The following POLR2J variants were observed in gnomAD, a reference collection of about 807,000 sequenced individuals.
POLR2J encodes DNA-directed RNA polymerase II subunit RPB11-a.
In POLR2J, 12 loss-of-function variants were observed where a neutral mutation model predicts 13.4. That is an observed-to-expected ratio of 0.90 (90% confidence interval 0.57 to 1.45). POLR2J has a LOEUF of 1.45. Ranked by LOEUF, POLR2J falls within the 40% of genes most tolerant of loss-of-function variation. POLR2J has a pLI of 0.00. For synonymous variants in POLR2J, 31 were observed against 53.6 expected (o/e 0.58, Z 1.84); for missense variants, 58 against 132.0 (o/e 0.44, Z 2.75).
chr7:102,476,771 C>G (rs1401916565), intron 1 of POLR2J, among the ~76,000 whole-genome samples: 1 of 113,044 alleles, frequency 8.8e-6, no homozygotes, highest in Non-Finnish European at 1.9e-5. Flanking sequence ...GAACCTTGGC[C>G]TTTTCTGAAT....
chr7:102,473,695 AGAAGGTGGTGGAGACTGAGCTGG>A lies in POLR2J; in HGVS notation c.319-34_319-12del. The A allele has an allele frequency of 4.3e-6, 7 of 1,613,798 alleles. No homozygotes were observed. Among genetic ancestry groups the A allele is most frequent in the Non-Finnish European group, 5.9e-6 (7 of 1,179,850 alleles). ...GTCTTTTATGGCCACCTGGGAGAGA[AGAAGGTGGTGGAGACTGAGCTGG>A]AACAGCTGGGGCAAGGACGCTGGAA... On this transcript the variant is annotated splice_polypyrimidine_tract_variant and intron_variant, in intron 3 of 3. Coordinates refer to ENST00000292614, the MANE Select transcript of POLR2J (RefSeq NM_006234.6).
In POLR2J at chr7:102,474,399, G is replaced by A. The variant is rs765104120; in HGVS notation, c.280C>T (p.Leu94Phe). 1 of 1,611,336 alleles carries A rather than the reference G, an allele frequency of 6.2e-7. No individual in the cohort carries two copies. The highest frequency in any genetic ancestry group is 2.2e-5 in the East Asian group (1 of 44,844). Residue 94 changes from leucine to phenylalanine, a missense_variant, in exon 3 of 4, where the codon CTC (leucine) becomes TTC (phenylalanine). Around this residue, in one of 4 missense-constraint regions of POLR2J, gnomAD observed 17 missense variants for 43.6 expected, o/e 0.39. Coordinates refer to ENST00000292614, the MANE Select transcript of POLR2J (RefSeq NM_006234.6). ...TCCAGCAGGGACAGCTCACTGATGA[G>A]GTCGGTGATGGCGTTGGTAAAGGCT... ...QEAFTNAITD[L>F]ISELSLLEER...
chr7:102,478,879 T>A lies in POLR2J; in HGVS notation c.-19A>T, dbSNP rs1329363201. ...CGTTCATGCTCCCGCCGCCGTTGCG[T>A]CCAGACCCCAAGGGTCCGCCGCCGC... On this transcript the variant is annotated 5_prime_UTR_variant, in exon 1 of 4. Coordinates refer to ENST00000292614, the MANE Select transcript of POLR2J (RefSeq NM_006234.6). 6.2e-7 allele frequency: 1 copy of A among 1,610,484 alleles called. No individual in the cohort carries two copies. The highest frequency in any genetic ancestry group is 8.5e-7 in the Non-Finnish European group (1 of 1,179,634).
rs1169701251 is a variant in POLR2J at position 102,478,865 on chromosome 7, CCG to C, written c.-7_-6del. The C allele has an allele frequency of 6.2e-7, 1 of 1,610,530 alleles. No individual in the cohort carries two copies. Among genetic ancestry groups the C allele is most frequent in the Non-Finnish European group, 8.5e-7 (1 of 1,179,710 alleles). Reference sequence around the variant, plus strand: ...GAAGGCTGGAGGGGCGTTCATGCTCCCGCCGCCGTTGCGTCCAGACCCCAAGG... The same window carrying C: ...GAAGGCTGGAGGGGCGTTCATGCTCCCCGCCGTTGCGTCCAGACCCCAAGG... On this transcript the variant is annotated 5_prime_UTR_variant, in exon 1 of 4. Coordinates refer to ENST00000292614, the MANE Select transcript of POLR2J (RefSeq NM_006234.6).
intron 3 of POLR2J, 57 bp from the exon 4 acceptor site, chr7:102,473,741 G>GA: frequency 6.2e-7 from 1 of 1,610,356 alleles, no homozygotes; most frequent in Non-Finnish European, 8.5e-7. Flanking sequence ...AAGGACGCTG[G>GA]AAACACATGC....
Position 102,473,542 on chromosome 7 carries a change from C to CG in POLR2J, c.*106dup. The stretch of plus-strand genomic sequence containing the variant: ...GTCAGGGTGAGGGGTGGCCACAAGG[C>CG]GGGCCATGGCTGGGACCGGCCGCTC... On this transcript the variant is annotated 3_prime_UTR_variant, in exon 4 of 4. Transcript: ENST00000292614. 8.9e-7 allele frequency: 1 copy of CG among 1,120,728 alleles called. No homozygotes were observed. Among genetic ancestry groups the CG allele is most frequent in the Non-Finnish European group, 1.1e-6 (1 of 882,646 alleles). The allele number at this position is 1,120,728 out of a possible 1,614,324, so 69.4% of individuals were successfully genotyped here.
intron 2 of POLR2J, among the ~76,000 whole-genome samples, chr7:102,475,269 G>A (rs1214385095): frequency 3.9e-5 from 6 of 152,228 alleles, no homozygotes; most frequent in Non-Finnish European, 7.3e-5. Context: ...TTCGCTGGTG[G>A]CACCAGAGGG....
Position 102,473,549 on chromosome 7 carries a change from T to A in POLR2J, c.*100A>T. On this transcript the variant is annotated 3_prime_UTR_variant, in exon 4 of 4. Transcript: ENST00000292614. ...TGAGGGGTGGCCACAAGGCGGGCCA[T>A]GGCTGGGACCGGCCGCTCTCCTCGG... 2 of 1,204,606 alleles carry A rather than the reference T, an allele frequency of 1.7e-6. No homozygotes were observed. Among genetic ancestry groups the A allele is most frequent in the Non-Finnish European group, 2.1e-6 (2 of 947,618 alleles). 74.6% of individuals were successfully genotyped at this position (1,204,606 alleles called of 1,614,324 possible).
Position 102,478,795 on chromosome 7 carries a change from C to G in POLR2J, c.53+13G>C. ...CCCGCGCACCTCGGCCCGCCGCAGCCGGCGTCACTTACTTCTTCTCGCCCT... is the reference window on the plus strand; with the variant it reads ...CCCGCGCACCTCGGCCCGCCGCAGCGGGCGTCACTTACTTCTTCTCGCCCT... On this transcript the variant is annotated intron_variant, in intron 1 of 3. Coordinates refer to ENST00000292614, the MANE Select transcript of POLR2J (RefSeq NM_006234.6). The G allele has an allele frequency of 1.2e-6, 2 of 1,608,918 alleles. No individual in the cohort carries two copies. The highest frequency in any genetic ancestry group is 1.1e-5 in the South Asian group (1 of 90,970).
At position 102,476,978 on chromosome 7, in the gene POLR2J, C is replaced by A. The variant is rs527394264; in HGVS notation, c.54-708G>T. 6.5e-3 allele frequency among the ~76,000 whole-genome samples: 637 copies of A among 97,798 alleles called. 3 individuals carry two copies. The highest frequency in any genetic ancestry group is 0.02 in the African/African-American group (594 of 30,202). The allele number at this position is 97,798 out of a possible 152,430, so 64.2% of individuals were successfully genotyped here. A position where few individuals can be genotyped will look rare whatever the true frequency, so the allele number is the denominator to read the frequency against. On this transcript the variant is annotated intron_variant, in intron 1 of 3. Transcript: ENST00000292614. Reference sequence around the variant, plus strand: ...TCCTGAGTAGCTGGGACCACAGGCGCACGTCATCATGCCTGGCCTGTTCCT... The same window carrying A: ...TCCTGAGTAGCTGGGACCACAGGCGAACGTCATCATGCCTGGCCTGTTCCT...
intron 3 of POLR2J, 100 bp from the exon 4 acceptor site, chr7:102,473,784 G>A: frequency 6.4e-7 from 1 of 1,551,730 alleles, no homozygotes; most frequent in South Asian, 1.2e-5. Context: ...CTTCCTGGAG[G>A]GCAGCCATGG....
Position 102,478,908 on chromosome 7 carries a change from C to A in POLR2J, c.-48G>T. 1 of 1,608,380 alleles carries A rather than the reference C, an allele frequency of 6.2e-7. No homozygotes were observed. The highest frequency in any genetic ancestry group is 8.5e-7 in the Non-Finnish European group (1 of 1,179,136). ...GACCCCAAGGGTCCGCCGCCGCCGC[C>A]ACCAGAGCCCTAATAAGAGGCCTCT... On this transcript the variant is annotated 5_prime_UTR_variant, in exon 1 of 4. Coordinates refer to ENST00000292614, the MANE Select transcript of POLR2J (RefSeq NM_006234.6).
intron 2 of POLR2J, among the ~76,000 whole-genome samples, chr7:102,475,584 C>T (rs900861668): frequency 2.0e-5 from 3 of 152,230 alleles, no homozygotes; most frequent in African/African-American, 7.2e-5. Flanking sequence ...CACAGGCCTA[C>T]TGTGCTGGAA....
chr7:102,473,271 C>CTCATGGGTTTGCACACTT lies in POLR2J; in HGVS notation c.*360_*377dup. On this transcript the variant is annotated 3_prime_UTR_variant, in exon 4 of 4. Transcript: ENST00000292614. ...CTTCTAGAGCAGAGACTCTTGGGAG[C>CTCATGGGTTTGCACACTT]TCATGGGTTTGCACACTTCTCTCCG... 1 of 624,510 alleles carries CTCATGGGTTTGCACACTT rather than the reference C, an allele frequency of 1.6e-6. No individual in the cohort carries two copies. The highest frequency in any genetic ancestry group is 3.1e-5 in the Admixed American group (1 of 32,718). The allele number at this position is 624,510 out of a possible 1,614,324, so 38.7% of individuals were successfully genotyped here. A position where few individuals can be genotyped will look rare whatever the true frequency, so the allele number is the denominator to read the frequency against.
intron 2 of POLR2J, 114 bp from the exon 3 acceptor site, chr7:102,474,649 C>T: frequency 8.1e-7 from 1 of 1,229,170 alleles, no homozygotes; most frequent in Non-Finnish European, 1.1e-6. Context: ...AACTTTTTTC[C>T]CAAAAAGTCT....
In POLR2J at chr7:102,473,548, A is replaced by T; in HGVS notation, c.*101T>A. ...GTGAGGGGTGGCCACAAGGCGGGCC[A>T]TGGCTGGGACCGGCCGCTCTCCTCG... On this transcript the variant is annotated 3_prime_UTR_variant, in exon 4 of 4. Coordinates refer to ENST00000292614, the MANE Select transcript of POLR2J (RefSeq NM_006234.6). 8.3e-7 allele frequency: 1 copy of T among 1,199,282 alleles called. No homozygotes were observed. The allele number at this position is 1,199,282 out of a possible 1,614,324, so 74.3% of individuals were successfully genotyped here. A position where few individuals can be genotyped will look rare whatever the true frequency, so the allele number is the denominator to read the frequency against.
chr7:102,473,820 A>C, intron 3 of POLR2J, 136 bp from the exon 4 acceptor site: 1 of 1,473,682 alleles, frequency 6.8e-7, no homozygotes, highest in Non-Finnish European at 9.0e-7. Context: ...ACAGTGGAGC[A>C]GCCAAAGGGC....
intron 2 of POLR2J, 81 bp downstream of exon 2, chr7:102,476,100 C>T: frequency 1.5e-6 from 1 of 669,638 alleles, no homozygotes; most frequent in Non-Finnish European, 2.5e-6. Flanking sequence ...CTCAGAGAGA[C>T]TGAGGAAGAC....
Position 102,474,266 on chromosome 7 carries a change from G to A in POLR2J, c.318+95C>T, listed in dbSNP as rs1002667948. 6 of 1,607,676 alleles carry A rather than the reference G, an allele frequency of 3.7e-6. No homozygotes were observed. The African/African-American group carries it at 8.0e-5, about 22-fold the overall frequency. On this transcript the variant is annotated intron_variant, in intron 3 of 3. Coordinates refer to ENST00000292614, the MANE Select transcript of POLR2J (RefSeq NM_006234.6). ...TTCCATCACTGCCGCCTCTCCCCCAGGACCTCCGAAGAAACAGGCCAGGGC... is the reference window on the plus strand; with the variant it reads ...TTCCATCACTGCCGCCTCTCCCCCAAGACCTCCGAAGAAACAGGCCAGGGC...
Sources: allele counts gnomAD v4.1 joint callset (sites outside exome capture counted in the v4.1 genomes callset), GRCh38; gene constraint gnomAD v4.1.1; regional missense constraint gnomAD v4.1.1; transcripts MANE v1.5; gene names NCBI Gene and HGNC (gene_info 2026-07-23, HGNC 2026-07-21).